The following GRIK2 variants were observed in gnomAD, a reference collection of about 807,000 sequenced individuals.
GRIK2 encodes the protein glutamate receptor ionotropic, kainate 2.
A neutral mutation model predicts 100.3 loss-of-function variants in GRIK2; 32 were observed. The observed-to-expected ratio is 0.32, with a 90% CI of 0.24 to 0.43. The LOEUF is 0.43. Ranked by LOEUF, GRIK2 falls within the 20% of genes least tolerant of loss-of-function variation. The pLI, the probability that GRIK2 is intolerant of heterozygous loss-of-function variation, is 1.00. For missense variants in GRIK2, 843 were observed against 1,114.9 expected (o/e 0.76, Z 3.47); for synonymous variants, 417 against 389.4 (o/e 1.07, Z -0.83).
chr6:101,963,743 T>C (rs1236039957), intron 14 of GRIK2, among the ~76,000 whole-genome samples: 1 of 152,078 alleles, frequency 6.6e-6, no homozygotes, highest in East Asian at 1.9e-4. Flanking sequence ...TATATGTATA[T>C]ATGCTCCAAA....
At chr6:101,714,336 G>A (rs1773918708) in intron 7 of GRIK2, among the ~76,000 whole-genome samples, 1 of 151,594 alleles carries the variant, frequency 6.6e-6, no homozygotes, top group Non-Finnish European at 1.5e-5. Context: ...TCTTTTATTT[G>A]ATGGGCCATG....
At chr6:101,535,183 C>T (rs1319642195) in intron 2 of GRIK2, among the ~76,000 whole-genome samples, 1 of 151,628 alleles carries the variant, frequency 6.6e-6, no homozygotes, top group Non-Finnish European at 1.5e-5. Context: ...AAATGTATCA[C>T]TAAAATGGTG....
At chr6:101,965,245 G>A (rs1792583077) in intron 14 of GRIK2, among the ~76,000 whole-genome samples, 1 of 152,152 alleles carries the variant, frequency 6.6e-6, no homozygotes, top group Admixed American at 6.5e-5. Context: ...TGCATCTTAG[G>A]TGTCCTCCTG....
intron 9 of GRIK2, among the ~76,000 whole-genome samples, chr6:101,809,318 A>G (rs1781189387): frequency 6.6e-6 from 1 of 151,964 alleles, no homozygotes; most frequent in African/African-American, 2.4e-5. Context: ...TGCTTTTTGA[A>G]TATTTTTTGT....
intron 2 of GRIK2, among the ~76,000 whole-genome samples, chr6:101,604,924 G>A (rs920066712): frequency 1.3e-5 from 2 of 151,850 alleles, no homozygotes; most frequent in African/African-American, 4.8e-5. Flanking sequence ...TAGAAATTTG[G>A]AGAAACGACA....
At chr6:101,397,019 A>G (rs1203495597) in intron 1 of GRIK2, among the ~76,000 whole-genome samples, 1 of 152,186 alleles carries the variant, frequency 6.6e-6, no homozygotes, top group Non-Finnish European at 1.5e-5. Flanking sequence ...CCCCAAAATA[A>G]ATAGTTTAGA....
At chr6:101,516,965 C>G (rs943361062) in intron 2 of GRIK2, among the ~76,000 whole-genome samples, 1 of 152,080 alleles carries the variant, frequency 6.6e-6, no homozygotes, top group Non-Finnish European at 1.5e-5. Context: ...CCCAGCTAGA[C>G]TTCTTTCATG....
rs747960700 is a variant in GRIK2 at position 101,889,796 on chromosome 6, C to G, written c.1681C>G (p.Pro561Ala). 1 of 1,613,544 alleles carries G rather than the reference C, an allele frequency of 6.2e-7. No individual in the cohort carries two copies. The highest frequency in any genetic ancestry group is 1.6e-4 in the Middle Eastern group (1 of 6,062). The change falls in exon 12 of 17, where the codon CCT becomes GCT. Residue 561 changes from proline to alanine, a missense_variant. Coordinates refer to ENST00000369134, the MANE Select transcript of GRIK2 (RefSeq NM_021956.5). ...CTTCTCCTTCCTGAATCCTCTCTCC[C>G]CTGATATCTGGATGTATATTCTGCT... is the stretch of plus-strand genomic sequence containing the variant. ...GVFSFLNPLS[P>A]DIWMYILLAY...
chr6:101,942,977 C>T (rs1364903173), intron 14 of GRIK2, among the ~76,000 whole-genome samples: 1 of 152,196 alleles, frequency 6.6e-6, no homozygotes, highest in Non-Finnish European at 1.5e-5. Context: ...TTTCAGAGAT[C>T]TTTGTAGCAG....
intron 7 of GRIK2, among the ~76,000 whole-genome samples, chr6:101,754,970 C>G (rs1431265219): frequency 3.3e-5 from 5 of 152,078 alleles, no homozygotes; most frequent in Non-Finnish European, 5.9e-5. Flanking sequence ...TGAACTTGAT[C>G]CTTTCAGCGA....
intron 9 of GRIK2, among the ~76,000 whole-genome samples, chr6:101,811,034 C>T (rs1191293002): frequency 6.6e-6 from 1 of 152,064 alleles, no homozygotes; most frequent in Admixed American, 6.6e-5. Context: ...CTTTCTATTT[C>T]TCAATTCCCT....
intron 14 of GRIK2, among the ~76,000 whole-genome samples, chr6:102,024,820 C>T (rs939566927): frequency 6.6e-6 from 1 of 150,534 alleles, no homozygotes; most frequent in Non-Finnish European, 1.5e-5. Flanking sequence ...TGAATGAAGC[C>T]ATGAACAGAA....
intron 2 of GRIK2, among the ~76,000 whole-genome samples, chr6:101,487,492 A>G (rs1280651397): frequency 6.8e-6 from 1 of 147,000 alleles, no homozygotes; most frequent in Non-Finnish European, 1.5e-5. Flanking sequence ...TTTCACTTTT[A>G]TGAGGATACT....
chr6:101,543,146 C>T (rs1055421371), intron 2 of GRIK2, among the ~76,000 whole-genome samples: 4 of 152,112 alleles, frequency 2.6e-5, no homozygotes, highest in Non-Finnish European at 5.9e-5. Flanking sequence ...GTCCTGCTTA[C>T]CTGGAATAGA....
chr6:101,519,587 A>G (rs1300073212), intron 2 of GRIK2, among the ~76,000 whole-genome samples: 1 of 152,078 alleles, frequency 6.6e-6, no homozygotes, highest in Non-Finnish European at 1.5e-5. Context: ...TTTTCTAATT[A>G]AGTCCCAGAA....
chr6:101,944,014 G>A (rs1484387747), intron 14 of GRIK2, among the ~76,000 whole-genome samples: 3 of 152,124 alleles, frequency 2.0e-5, no homozygotes, highest in South Asian at 4.1e-4. Flanking sequence ...CCTGGCAGGA[G>A]GTGATTGGCT....
chr6:101,657,394 T>C (rs1769272911), intron 4 of GRIK2, among the ~76,000 whole-genome samples: 1 of 152,182 alleles, frequency 6.6e-6, no homozygotes. Context: ...TCCTCAGCCA[T>C]GGGGAACTTA....
intron 6 of GRIK2, among the ~76,000 whole-genome samples, chr6:101,685,970 A>T (rs1390366336): frequency 6.6e-6 from 1 of 152,114 alleles, no homozygotes; most frequent in Non-Finnish European, 1.5e-5. Context: ...TAAAATATAT[A>T]CATAGATTTT....
chr6:101,791,268 C>G (rs1367698417), intron 7 of GRIK2, among the ~76,000 whole-genome samples: 1 of 151,990 alleles, frequency 6.6e-6, no homozygotes, highest in East Asian at 1.9e-4. Flanking sequence ...TGTGTTTGCT[C>G]TTGCTTTTCT....
Sources: gnomAD v4.1 joint callset for allele counts (sites outside exome capture counted in the v4.1 genomes callset) on GRCh38, gnomAD v4.1.1 for gene constraint, MANE v1.5 for transcripts, NCBI Gene and HGNC (gene_info 2026-07-23, HGNC 2026-07-21) for gene names.